The following SYT6 variants were observed in gnomAD, a reference collection of about 807,000 sequenced individuals.
SYT6 encodes synaptotagmin 6.
A neutral mutation model predicts 38.4 loss-of-function variants in SYT6; 24 were observed. The ratio of observed to expected loss-of-function variants is 0.62; its 90% CI spans 0.45 to 0.88. The LOEUF is 0.88. Ranked by LOEUF, SYT6 falls within the 40% of genes least tolerant of loss-of-function variation. SYT6 has a pLI of 0.00. For missense variants in SYT6, 611 were observed against 621.0 expected (o/e 0.98, Z 0.17); for synonymous variants, 265 against 241.9 (o/e 1.10, Z -0.89).
intron 5 of SYT6, 126 bp from the exon 6 acceptor site, chr1:114,098,003 AT>A: frequency 8.9e-7 from 1 of 1,125,062 alleles, no homozygotes; most frequent in Non-Finnish European, 1.3e-6. Context: ...CTGAAAACAG[AT>A]GCTTGGCAGG....
At chr1:114,147,792 A>G (rs1399928538) in intron 1 of SYT6, among the ~76,000 whole-genome samples, 1 of 152,244 alleles carries the variant, frequency 6.6e-6, no homozygotes, top group African/African-American at 2.4e-5. Flanking sequence ...TTGCAGAATC[A>G]TTGTGAATAT....
intron 3 of SYT6, among the ~76,000 whole-genome samples, chr1:114,124,065 C>G (rs77882772): frequency 1.3e-5 from 2 of 152,216 alleles, no homozygotes; most frequent in Non-Finnish European, 2.9e-5. Flanking sequence ...AGTGGCTTCC[C>G]CCTTCCTATC....
chr1:114,103,162 T>G (rs563199591), intron 4 of SYT6, among the ~76,000 whole-genome samples: 1 of 152,364 alleles, frequency 6.6e-6, no homozygotes, highest in East Asian at 1.9e-4. Flanking sequence ...TAAGCCTGCA[T>G]AGACCGGCAA....
In SYT6 at chr1:114,093,846, C is replaced by T. The variant is rs149292434; in HGVS notation, c.1516-43G>A. 2.5e-6 allele frequency: 4 copies of T among 1,587,286 alleles called. No individual in the cohort carries two copies. The African/African-American group carries it at 4.0e-5, about 16-fold the overall frequency. ...ATAAATAAATGCCTGGTTGTTGAGGCCACTGTGGCTTCTGACTCAAGTGTT... is the reference window on the plus strand; with the variant it reads ...ATAAATAAATGCCTGGTTGTTGAGGTCACTGTGGCTTCTGACTCAAGTGTT... On this transcript the variant is annotated intron_variant, in intron 6 of 7. Transcript: ENST00000610222.
chr1:114,132,660 C>T (rs566637478), intron 3 of SYT6, among the ~76,000 whole-genome samples: 2 of 152,142 alleles, frequency 1.3e-5, no homozygotes, highest in Non-Finnish European at 2.9e-5. Flanking sequence ...GTCCAACAAC[C>T]AGTCAGAACA....
chr1:114,146,727 T>G (rs1679175790), intron 1 of SYT6, among the ~76,000 whole-genome samples: 1 of 152,230 alleles, frequency 6.6e-6, no homozygotes, highest in Admixed American at 6.5e-5. Flanking sequence ...TACTTCTTCT[T>G]CAGCTTAGAG....
rs1356649164 is a variant in SYT6 at position 114,092,332 on chromosome 1, C to CTGTGTG, written c.*52-251_*52-250insCACACA. On this transcript the variant is annotated intron_variant, in intron 7 of 7. Coordinates refer to ENST00000610222, the MANE Select transcript of SYT6 (RefSeq NM_001253772.2). ...CTTAACTCTCTCTCTCTCTCTCTCTCTCTCTCTGTGTGTGTGTGTGTGTGT... is the reference window on the plus strand; with the variant it reads ...CTTAACTCTCTCTCTCTCTCTCTCTCTGTGTGTCTCTCTGTGTGTGTGTGTGTGTGT... 6.5e-5 allele frequency among the ~76,000 whole-genome samples: 9 copies of CTGTGTG among 138,858 alleles called. No individual in the cohort carries two copies. The East Asian group carries it at 3.4e-3, about 52-fold the overall frequency. 91.1% of individuals were successfully genotyped at this position (138,858 alleles called of 152,430 possible).
At chr1:114,144,825 G>T (rs1465462835) in intron 1 of SYT6, among the ~76,000 whole-genome samples, 3 of 152,138 alleles carry the variant, frequency 2.0e-5, no homozygotes, top group Admixed American at 6.5e-5. Flanking sequence ...TGGGAAGCCA[G>T]CACTGCCTTT....
chr1:114,127,419 C>T (rs74112944), intron 3 of SYT6, among the ~76,000 whole-genome samples: 2 of 152,174 alleles, frequency 1.3e-5, no homozygotes, highest in Non-Finnish European at 2.9e-5. Context: ...CAATCCTTCT[C>T]TAGAGGAGCC....
chr1:114,142,853 C>T (rs1678935007), intron 1 of SYT6, among the ~76,000 whole-genome samples: 1 of 152,020 alleles, frequency 6.6e-6, no homozygotes, highest in Non-Finnish European at 1.5e-5. Context: ...AGCAATCAAG[C>T]TTTTAAAATT....
rs79659817 is a variant in SYT6, at chr1:114,140,813, C to T, written c.164-850G>A. On this transcript the variant is annotated intron_variant, in intron 1 of 7. Transcript: ENST00000610222. Reference sequence around the variant, plus strand: ...TGCCAGTTTTCCAACAGCATGTGCACATTTTGTGTCTGTCACGTTTTGTTA... The same window carrying T: ...TGCCAGTTTTCCAACAGCATGTGCATATTTTGTGTCTGTCACGTTTTGTTA... Among the ~76,000 whole-genome samples, 1,054 of 152,312 alleles carry T rather than the reference C, an allele frequency of 6.9e-3. 15 individuals are homozygous for T. The highest frequency in any genetic ancestry group is 0.024 in the African/African-American group (997 of 41,574).
intron 6 of SYT6, 21 bp downstream of exon 6, chr1:114,097,706 G>C: frequency 6.2e-7 from 1 of 1,612,364 alleles, no homozygotes; most frequent in Non-Finnish European, 8.5e-7. Flanking sequence ...AACATGCCAA[G>C]GGCCAGGTGA....
At chr1:114,107,782 G>A (rs186188555) in intron 3 of SYT6, among the ~76,000 whole-genome samples, 12 of 152,276 alleles carry the variant, frequency 7.9e-5, no homozygotes, top group East Asian at 5.8e-4. Context: ...TCTCTCAGGC[G>A]GTTTCAGTCA....
intron 3 of SYT6, among the ~76,000 whole-genome samples, chr1:114,133,729 G>A (rs1678306855): frequency 6.6e-6 from 1 of 152,222 alleles, no homozygotes; most frequent in Non-Finnish European, 1.5e-5. Context: ...CGACTGCCCT[G>A]CAGGCCCGGT....
chr1:114,139,589 AG>A (rs759816736), intron 2 of SYT6, 25 bp downstream of exon 2: 1 of 1,613,336 alleles, frequency 6.2e-7, no homozygotes, highest in South Asian at 1.1e-5. Context: ...TGTGGGGGTC[AG>A]GGAAGGGAGT....
intron 1 of SYT6, among the ~76,000 whole-genome samples, chr1:114,143,988 G>A (rs907669541): frequency 6.6e-6 from 1 of 152,236 alleles, no homozygotes; most frequent in Non-Finnish European, 1.5e-5. Flanking sequence ...GAGTAGAGAA[G>A]TTAGAAGGCT....
intron 3 of SYT6, among the ~76,000 whole-genome samples, chr1:114,134,649 G>T (rs1332548097): frequency 3.3e-5 from 5 of 152,188 alleles, no homozygotes; most frequent in Non-Finnish European, 7.3e-5. Flanking sequence ...TTTGCACCAG[G>T]CAGAGAGGTG....
intron 3 of SYT6, among the ~76,000 whole-genome samples, chr1:114,110,672 C>T (rs537227689): frequency 3.5e-4 from 53 of 152,232 alleles, no homozygotes; most frequent in African/African-American, 1.0e-3. Flanking sequence ...TGGCAGGGGC[C>T]GGGAGAAAGT....
chr1:114,096,127 C>T (rs1427143599), intron 6 of SYT6, among the ~76,000 whole-genome samples: 1 of 152,158 alleles, frequency 6.6e-6, no homozygotes, highest in African/African-American at 2.4e-5. Flanking sequence ...ATGGGGCTGT[C>T]ATGACCTCTC....
Sources: allele counts gnomAD v4.1 joint callset (sites outside exome capture counted in the v4.1 genomes callset), GRCh38; gene constraint gnomAD v4.1.1; transcripts MANE v1.5; gene names NCBI Gene and HGNC (gene_info 2026-07-23, HGNC 2026-07-21).